Variants in GLRA2 observed in about 807,000 individuals in gnomAD.
The protein encoded by GLRA2 is glycine receptor alpha 2.
GLRA2 carries 11 observed loss-of-function variants against 31.6 expected under a neutral mutation model. That is an observed-to-expected ratio of 0.35 (90% CI 0.22 to 0.58). The LOEUF (loss-of-function observed/expected upper bound fraction) is 0.58, where lower values mean the gene tolerates loss of function less well. Ranked by LOEUF, GLRA2 falls within the 20% of genes least tolerant of loss-of-function variation. The pLI, the probability that GLRA2 is intolerant of heterozygous loss-of-function variation, is 0.84. For synonymous variants in GLRA2, 132 were observed against 134.0 expected (o/e 0.99, Z 0.10); for missense variants, 212 against 351.8 (o/e 0.60, Z 3.18).
intron 2 of GLRA2, among the ~76,000 whole-genome samples, chrX:14,536,318 A>G (rs1390856130): frequency 8.9e-6 from 1 of 112,030 alleles, no homozygotes; most frequent in African/African-American, 3.2e-5. Flanking sequence ...TGTTGTGAAT[A>G]CCAACCCCTG....
At chrX:14,641,437 G>T (rs1002680425) in intron 7 of GLRA2, among the ~76,000 whole-genome samples, 1 of 111,373 alleles carries the variant, frequency 9.0e-6, no homozygotes, top group African/African-American at 3.3e-5. Flanking sequence ...TATATTATCA[G>T]AAGTAAGATA....
Position 14,690,783 on chromosome X carries a change from A to T in GLRA2, c.1004A>T (p.Tyr335Phe), listed in dbSNP as rs752765201. 8.3e-7 allele frequency: 1 copy of T among 1,201,344 alleles called. No homozygotes were observed. The highest frequency in any genetic ancestry group is 3.0e-5 in the East Asian group (1 of 33,730). Residue 335 changes from tyrosine (Y) to phenylalanine (F), a missense_variant, in exon 8 of 9, where the codon TAC becomes TTC. Tyr to Phe is a conservative substitution (Grantham distance 22). Coordinates refer to ENST00000218075, the MANE Select transcript of GLRA2 (RefSeq NM_002063.4). ...LLFVFAALLEYAAVNFVSRQH... is the reference protein window; with the variant it reads ...LLFVFAALLEFAAVNFVSRQH... ...TTTGTGTTTGCTGCCTTACTGGAAT[A>T]CGCAGCGGTGAACTTCGTCTCCAGG...
the GLRA2 span, among the ~76,000 whole-genome samples, chrX:14,481,654 A>G: frequency 1.8e-5 from 2 of 112,010 alleles, no homozygotes; most frequent in African/African-American, 6.5e-5. Flanking sequence ...TGGATATTCT[A>G]ATAAGCCAAT....
At chrX:14,574,226 T>G (rs1372473861) in intron 2 of GLRA2, 107 bp from the exon 3 acceptor site, 3 of 536,292 alleles carry the variant, frequency 5.6e-6, no homozygotes, top group Non-Finnish European at 9.7e-6. Flanking sequence ...TTTGGCAATC[T>G]CACCATCATT....
the GLRA2 span, among the ~76,000 whole-genome samples, chrX:14,499,466 C>T: frequency 4.5e-5 from 5 of 110,765 alleles, no homozygotes; most frequent in African/African-American, 1.6e-4. Context: ...CCTAGGTATC[C>T]ATCGATGGTG....
intron 8 of GLRA2, among the ~76,000 whole-genome samples, chrX:14,710,222 G>A (rs1333559370): frequency 8.9e-6 from 1 of 112,006 alleles, no homozygotes; most frequent in Admixed American, 9.5e-5. Context: ...GCCCCCTGCA[G>A]AAACAAACAA....
intron 2 of GLRA2, among the ~76,000 whole-genome samples, chrX:14,570,488 C>G (rs764908784): frequency 3.6e-4 from 40 of 111,637 alleles, no homozygotes; most frequent in East Asian, 8.4e-4. Flanking sequence ...GAAAGATGGT[C>G]TGCAGTAACA....
At chrX:14,621,349 T>C (rs7892536) in intron 7 of GLRA2, among the ~76,000 whole-genome samples, 3,084 of 110,680 alleles carry the variant, frequency 0.028, 68 homozygotes, top group African/African-American at 0.077. Flanking sequence ...AAACTAAAAG[T>C]TTGTTCTGAT....
At chrX:14,641,088 C>T (rs1332439470) in intron 7 of GLRA2, among the ~76,000 whole-genome samples, 1 of 111,223 alleles carries the variant, frequency 9.0e-6, no homozygotes, top group Non-Finnish European at 1.9e-5. Flanking sequence ...AGTGGTAGCT[C>T]ATTGTGGTTT....
At chrX:14,634,052 G>A (rs762781400) in intron 7 of GLRA2, among the ~76,000 whole-genome samples, 28 of 111,839 alleles carry the variant, frequency 2.5e-4, no homozygotes, top group Non-Finnish European at 4.9e-4. Flanking sequence ...TGGTTCAAGC[G>A]ATTCTCATGC....
intron 7 of GLRA2, among the ~76,000 whole-genome samples, chrX:14,660,224 G>C (rs1194284511): frequency 1.8e-5 from 2 of 111,699 alleles, no homozygotes; most frequent in Non-Finnish European, 3.8e-5. Flanking sequence ...GGGTAGGCCT[G>C]ATTGAGAAGA....
chrX:14,555,894 C>T (rs2089636012), intron 2 of GLRA2, among the ~76,000 whole-genome samples: 1 of 111,487 alleles, frequency 9.0e-6, no homozygotes, highest in Non-Finnish European at 1.9e-5. Flanking sequence ...ACTATGTGCT[C>T]AGTACTATAT....
chrX:14,450,781 C>G, the GLRA2 span, among the ~76,000 whole-genome samples: 1 of 111,624 alleles, frequency 9.0e-6, no homozygotes, highest in African/African-American at 3.3e-5. Flanking sequence ...TCTTGACCCA[C>G]TGCAACCTCC....
Position 14,567,328 on chromosome X carries a change from T to C in GLRA2, c.203-7005T>C, listed in dbSNP as rs928775386. 3.6e-5 allele frequency among the ~76,000 whole-genome samples: 4 copies of C among 112,047 alleles called. No homozygotes were observed. In the South Asian group the frequency reaches 1.1e-3, roughly 31 times the overall value. The stretch of plus-strand genomic sequence containing the variant: ...AAATTAAAGTAATATACCACATTAA[T>C]AGAATGAAGGAGAAAAACACACGAT... On this transcript the variant is annotated intron_variant, in intron 2 of 8. Coordinates refer to ENST00000218075, the MANE Select transcript of GLRA2 (RefSeq NM_002063.4).
intron 7 of GLRA2, among the ~76,000 whole-genome samples, chrX:14,623,864 A>G (rs1463922976): frequency 8.9e-6 from 1 of 111,925 alleles, no homozygotes; most frequent in Non-Finnish European, 1.9e-5. Context: ...CTCGCCTCAT[A>G]AAATGAGTTA....
intron 1 of GLRA2, among the ~76,000 whole-genome samples, chrX:14,531,582 A>G (rs1427629424): frequency 9.0e-6 from 1 of 111,356 alleles, no homozygotes; most frequent in East Asian, 2.8e-4. Flanking sequence ...TTAAATGCTT[A>G]TATAAGCATT....
At chrX:14,626,970 AT>A (rs2090595945) in intron 7 of GLRA2, among the ~76,000 whole-genome samples, 1 of 111,378 alleles carries the variant, frequency 9.0e-6, no homozygotes, top group African/African-American at 3.3e-5. Flanking sequence ...GGATTTGGAA[AT>A]TAGGGAAAGT....
At chrX:14,586,483 C>A (rs962864372) in intron 4 of GLRA2, among the ~76,000 whole-genome samples, 3 of 112,151 alleles carry the variant, frequency 2.7e-5, no homozygotes, top group Admixed American at 9.5e-5. Context: ...GATTTGTAAA[C>A]CTTCTTCAGA....
the GLRA2 span, among the ~76,000 whole-genome samples, chrX:14,451,502 C>T: frequency 2.8e-5 from 3 of 108,941 alleles, no homozygotes; most frequent in South Asian, 4.2e-4. Flanking sequence ...AGGCAGTGTG[C>T]GCCTGTAGTC....
Sources: gnomAD v4.1 joint callset for allele counts (sites outside exome capture counted in the v4.1 genomes callset) on GRCh38, gnomAD v4.1.1 for gene constraint, MANE v1.5 for transcripts, NCBI Gene and HGNC (gene_info 2026-07-23, HGNC 2026-07-21) for gene names.